Variants in TENM2 observed in about 807,000 individuals in gnomAD.
The protein encoded by TENM2 is teneurin-2.
A neutral mutation model predicts 245.2 loss-of-function variants in TENM2; 52 were observed. The observed-to-expected ratio is 0.21, with a 90% CI of 0.17 to 0.27. The LOEUF (loss-of-function observed/expected upper bound fraction) is 0.27, where lower values mean the gene tolerates loss of function less well. Ranked by LOEUF, TENM2 falls within the 10% of genes least tolerant of loss-of-function variation. The pLI, the probability that TENM2 is intolerant of heterozygous loss-of-function variation, is 1.00. For synonymous variants in TENM2, 1,363 were observed against 1,438.9 expected, an observed-to-expected ratio of 0.95 and a Z score of 1.19; for missense variants, 3,046 against 3,666.8, an observed-to-expected ratio of 0.83 and a Z score of 4.37.
At chr5:167,923,419 C>T (rs376454591) in intron 3 of TENM2, among the ~76,000 whole-genome samples, 16 of 152,162 alleles carry the variant, frequency 1.1e-4, no homozygotes, top group African/African-American at 3.6e-4. Context: ...CACCTCTGTG[C>T]CAACAGCCTT....
chr5:167,665,294 G>T (rs1343172814), intron 2 of TENM2, among the ~76,000 whole-genome samples: 5 of 152,114 alleles, frequency 3.3e-5, no homozygotes, highest in Admixed American at 3.3e-4. Flanking sequence ...AGTATTCTCA[G>T]TATTACCATT....
At chr5:167,908,901 TTCA>T (rs1027803532) in intron 3 of TENM2, among the ~76,000 whole-genome samples, 5 of 151,988 alleles carry the variant, frequency 3.3e-5, no homozygotes, top group Non-Finnish European at 7.4e-5. Flanking sequence ...CTTTCCTTAG[TTCA>T]GCATTTGAGG....
the TENM2 span, among the ~76,000 whole-genome samples, chr5:167,005,028 G>A: frequency 1.2e-3 from 176 of 152,202 alleles, 1 homozygote; most frequent in African/African-American, 4.1e-3. Flanking sequence ...TGCAATGCAA[G>A]TCATTAAGAA....
chr5:168,183,344 G>A (rs1211952798), intron 13 of TENM2, among the ~76,000 whole-genome samples: 1 of 151,914 alleles, frequency 6.6e-6, no homozygotes, highest in African/African-American at 2.4e-5. Flanking sequence ...TGCTGATTTG[G>A]GGTGACTCAA....
At chr5:167,636,192 A>C (rs909497812) in intron 2 of TENM2, among the ~76,000 whole-genome samples, 3 of 152,210 alleles carry the variant, frequency 2.0e-5, no homozygotes, top group African/African-American at 7.2e-5. Context: ...AGAAATAATA[A>C]ATCTTTTAGC....
intron 2 of TENM2, among the ~76,000 whole-genome samples, chr5:167,640,892 T>TATATATATCC (rs1779556434): frequency 1.0e-5 from 1 of 96,244 alleles, no homozygotes; most frequent in Non-Finnish European, 2.1e-5. Flanking sequence ...TATATATATA[T>TATATATATCC]ATATATATAT....
Position 167,970,268 on chromosome 5 carries a change from G to A in TENM2, c.947+17446G>A, listed in dbSNP as rs889084351. ...CTGGTTGACTTCTCAAACGTCCCAC[G>A]ACTTTACTTTTGAGTTCACTGTGGC... On this transcript the variant is annotated intron_variant, in intron 4 of 28. Coordinates refer to ENST00000518659, the Ensembl canonical transcript of TENM2. Among the ~76,000 whole-genome samples, 8 of 152,172 alleles carry A rather than the reference G, an allele frequency of 5.3e-5. No individual in the cohort carries two copies. The South Asian group carries it at 1.0e-3, about 20-fold the overall frequency.
chr5:167,959,859 T>C (rs1364230460), intron 4 of TENM2, among the ~76,000 whole-genome samples: 1 of 152,242 alleles, frequency 6.6e-6, no homozygotes, highest in Non-Finnish European at 1.5e-5. Context: ...TGGTCTTTGA[T>C]GTTGGTGACC....
intron 13 of TENM2, among the ~76,000 whole-genome samples, chr5:168,181,674 T>C (rs990231922): frequency 1.4e-5 from 2 of 140,070 alleles, no homozygotes; most frequent in Non-Finnish European, 3.1e-5. Flanking sequence ...TACTTCTTTT[T>C]TTTTTTTTTT....
At chr5:166,990,703 A>G in the TENM2 span, among the ~76,000 whole-genome samples, 3 of 152,350 alleles carry the variant, frequency 2.0e-5, no homozygotes, top group African/African-American at 4.8e-5. Flanking sequence ...CAGGAAATAA[A>G]TGTCCACTAA....
chr5:167,950,315 A>T (rs767172771), intron 3 of TENM2, among the ~76,000 whole-genome samples: 1 of 152,210 alleles, frequency 6.6e-6, no homozygotes, highest in Non-Finnish European at 1.5e-5. Flanking sequence ...GGACCTCACA[A>T]GGGCCACACA....
At chr5:168,216,243 C>T (rs1763183053) in intron 21 of TENM2, among the ~76,000 whole-genome samples, 1 of 152,152 alleles carries the variant, frequency 6.6e-6, no homozygotes, top group Non-Finnish European at 1.5e-5. Context: ...GCCCCAGTGT[C>T]CCCCTGGGGC....
At chr5:167,220,331 C>A in the TENM2 span, among the ~76,000 whole-genome samples, 1 of 152,140 alleles carries the variant, frequency 6.6e-6, no homozygotes, top group Non-Finnish European at 1.5e-5. Flanking sequence ...ATTCCTATAG[C>A]CAATAGTGTT....
the TENM2 span, among the ~76,000 whole-genome samples, chr5:167,248,058 C>G: frequency 6.6e-6 from 1 of 152,166 alleles, no homozygotes; most frequent in South Asian, 2.1e-4. Context: ...GCAGAGGGAG[C>G]TCTAAAAATA....
intron 1 of TENM2, among the ~76,000 whole-genome samples, chr5:167,365,397 CAAAT>C (rs754842160): frequency 1.3e-5 from 2 of 150,076 alleles, no homozygotes; most frequent in Non-Finnish European, 3.0e-5. Flanking sequence ...AAAAAAAACT[CAAAT>C]TAAGTAGAAA....
intron 19 of TENM2, 44 bp from the exon 22 acceptor site, chr5:168,211,690 C>A: frequency 8.3e-7 from 1 of 1,205,164 alleles, no homozygotes. Flanking sequence ...AATTCTTCTG[C>A]TAACTGTTTG....
Position 168,211,759 on chromosome 5 carries a change from G to A in TENM2, c.3845+5G>A. 1 of 1,349,650 alleles carries A rather than the reference G, an allele frequency of 7.4e-7. No homozygotes were observed. Among genetic ancestry groups the A allele is most frequent in the South Asian group, 1.4e-5 (1 of 74,016 alleles). 83.6% of individuals were successfully genotyped at this position (1,349,650 alleles called of 1,614,324 possible). A position where few individuals can be genotyped will look rare whatever the true frequency, so the allele number is the denominator to read the frequency against. On this transcript the variant is annotated splice_donor_5th_base_variant and intron_variant, in intron 20 of 28. Transcript: ENST00000518659. ...AAATAAAGAGTTTAAACATAGGTAA[G>A]ATGAAGAACTCTTTCCCATATAATT... is the stretch of plus-strand genomic sequence containing the variant.
At chr5:168,182,106 G>A (rs1217237640) in intron 13 of TENM2, among the ~76,000 whole-genome samples, 1 of 152,196 alleles carries the variant, frequency 6.6e-6, no homozygotes, top group Non-Finnish European at 1.5e-5. Context: ...CGAGCATCCT[G>A]TCAGCCAATC....
At chr5:168,170,554 A>AAAGGAAGGAAGGAAGAAGG (rs1562242692) in intron 13 of TENM2, among the ~76,000 whole-genome samples, 1 of 151,962 alleles carries the variant, frequency 6.6e-6, no homozygotes, top group Non-Finnish European at 1.5e-5. Flanking sequence ...AGGAAGGAAG[A>AAAGGAAGGAAGGAAGAAGG]AAGGAAGGAA....
Sources: allele counts gnomAD v4.1 joint callset (sites outside exome capture counted in the v4.1 genomes callset), GRCh38; gene constraint gnomAD v4.1.1; transcripts MANE v1.5; gene names NCBI Gene and HGNC (gene_info 2026-07-23, HGNC 2026-07-21).